The following ZNF438 variants were observed in gnomAD, a reference collection of about 807,000 sequenced individuals.
The protein encoded by ZNF438 is zinc finger protein 438.
In ZNF438, 25 loss-of-function variants were observed where a neutral mutation model predicts 38.0. The observed-to-expected ratio is 0.66, with a 90% CI of 0.48 to 0.92. ZNF438 has a LOEUF of 0.92. Ranked by LOEUF, ZNF438 falls within the 40% of genes least tolerant of loss-of-function variation. ZNF438 has a pLI of 0.00. For synonymous variants in ZNF438, 372 were observed against 364.1 expected (o/e 1.02, Z -0.25); for missense variants, 1,007 against 999.6 (o/e 1.01, Z -0.10).
intron 2 of ZNF438, among the ~76,000 whole-genome samples, chr10:30,918,420 T>C (rs1217912039): frequency 6.6e-6 from 1 of 152,204 alleles, no homozygotes; most frequent in Admixed American, 6.5e-5. Flanking sequence ...TTTATTTCTA[T>C]CTTTAATTTT....
At chr10:30,914,319 A>C (rs374829927) in intron 2 of ZNF438, among the ~76,000 whole-genome samples, 1 of 152,006 alleles carries the variant, frequency 6.6e-6, no homozygotes, top group East Asian at 1.9e-4. Flanking sequence ...CAGGGGTGGG[A>C]AGTGGGAAGG....
chr10:30,881,690 GAAGA>G (rs895527654), intron 3 of ZNF438, among the ~76,000 whole-genome samples: 14 of 151,986 alleles, frequency 9.2e-5, no homozygotes, highest in Admixed American at 2.6e-4. Flanking sequence ...TCTTAAAAAA[GAAGA>G]AAGAAATCAG....
chr10:30,980,254 T>TA (rs368647419), intron 1 of ZNF438, among the ~76,000 whole-genome samples: 85,827 of 136,204 alleles, frequency 0.63, 26,959 homozygotes, highest in African/African-American at 0.73. Flanking sequence ...TGTTTAACAT[T>TA]AAAAAAAAAA....
At chr10:30,930,736 G>A (rs1214357716) in intron 2 of ZNF438, among the ~76,000 whole-genome samples, 1 of 143,168 alleles carries the variant, frequency 7.0e-6, no homozygotes, top group African/African-American at 2.6e-5. Context: ...GAATCCAGGA[G>A]GCAGAGGTCG....
rs553031102 is a variant in ZNF438, at chr10:30,971,925, T to G, written c.-191-30274A>C. Among the ~76,000 whole-genome samples the G allele has an allele frequency of 2.0e-5, 3 of 152,076 alleles. No individual in the cohort carries two copies. In the East Asian group the frequency reaches 5.8e-4, roughly 29 times the overall value. ...TTACCTTTTCCCCTTAAATTTTGTATGTGTTTACATTTAATAAACTACACA... is the reference window on the plus strand; with the variant it reads ...TTACCTTTTCCCCTTAAATTTTGTAGGTGTTTACATTTAATAAACTACACA... On this transcript the variant is annotated intron_variant, in intron 1 of 5. Coordinates refer to ENST00000413025, the Ensembl canonical transcript of ZNF438.
chr10:30,985,897 GC>G (rs886311789), intron 1 of ZNF438, among the ~76,000 whole-genome samples: 5 of 152,168 alleles, frequency 3.3e-5, no homozygotes, highest in Non-Finnish European at 7.3e-5. Context: ...GTCATCCACT[GC>G]ATGATGTGTC....
intron 4 of ZNF438, among the ~76,000 whole-genome samples, chr10:30,870,213 G>A (rs2037168317): frequency 6.6e-6 from 1 of 152,078 alleles, no homozygotes; most frequent in South Asian, 2.1e-4. Context: ...CTGTATTTGT[G>A]AATTTGCCTA....
chr10:30,901,206 C>G (rs575391829), intron 3 of ZNF438, among the ~76,000 whole-genome samples: 1 of 152,310 alleles, frequency 6.6e-6, no homozygotes. Context: ...TCAGTTGGTT[C>G]TGTGTGCTGG....
At position 30,988,833 on chromosome 10, in the gene ZNF438, C is replaced by T. The variant is rs139897565; in HGVS notation, c.-192+43000G>A. On this transcript the variant is annotated intron_variant, in intron 1 of 5. Transcript: ENST00000413025. Reference sequence around the variant, plus strand: ...CAATAAACAGTTAACCTAGATGTGACAGTTAATTTTATGAGTCACTTTGGA... The same window carrying T: ...CAATAAACAGTTAACCTAGATGTGATAGTTAATTTTATGAGTCACTTTGGA... Among the ~76,000 whole-genome samples, 10 of 152,128 alleles carry T rather than the reference C, an allele frequency of 6.6e-5. No homozygotes were observed. In the East Asian group the frequency reaches 1.5e-3, roughly 24 times the overall value.
At chr10:30,924,889 TA>T (rs1026191509) in intron 2 of ZNF438, among the ~76,000 whole-genome samples, 1 of 152,210 alleles carries the variant, frequency 6.6e-6, no homozygotes, top group African/African-American at 2.4e-5. Context: ...TAGTTAATAT[TA>T]GTATATAAAT....
intron 1 of ZNF438, among the ~76,000 whole-genome samples, chr10:30,947,670 C>A (rs916609755): frequency 1.3e-5 from 2 of 152,246 alleles, no homozygotes. Context: ...TGCTAGCAAT[C>A]AGCGAGACTC....
At chr10:30,884,237 T>C (rs1035800844) in intron 3 of ZNF438, among the ~76,000 whole-genome samples, 1 of 152,170 alleles carries the variant, frequency 6.6e-6, no homozygotes, top group Non-Finnish European at 1.5e-5. Context: ...ACACAAAGCA[T>C]TGCTGCATTT....
chr10:30,854,933 G>A (rs546948114), intron 4 of ZNF438, among the ~76,000 whole-genome samples: 6 of 152,330 alleles, frequency 3.9e-5, no homozygotes, highest in African/African-American at 7.2e-5. Flanking sequence ...AGGTCACCTC[G>A]AAGTCTCTAA....
At chr10:31,013,212 G>A (rs750413524) in intron 1 of ZNF438, among the ~76,000 whole-genome samples, 5 of 152,056 alleles carry the variant, frequency 3.3e-5, no homozygotes, top group Non-Finnish European at 7.4e-5. Context: ...CCAGCTACTC[G>A]GGAGGCTGAG....
chr10:30,987,210 T>G (rs1361424469), intron 1 of ZNF438, among the ~76,000 whole-genome samples: 3 of 151,920 alleles, frequency 2.0e-5, no homozygotes, highest in Admixed American at 6.6e-5. Flanking sequence ...ATCCCAACAT[T>G]TTGGGAGGAC....
At chr10:30,891,783 C>T (rs545485394) in intron 3 of ZNF438, among the ~76,000 whole-genome samples, 4 of 152,224 alleles carry the variant, frequency 2.6e-5, no homozygotes, top group East Asian at 1.9e-4. Context: ...GCCTATCCTC[C>T]GTTTTCTTAT....
intron 1 of ZNF438, among the ~76,000 whole-genome samples, chr10:30,945,079 T>C (rs1322642046): frequency 6.6e-6 from 1 of 152,004 alleles, no homozygotes; most frequent in South Asian, 2.1e-4. Flanking sequence ...TCTGCCTACT[T>C]GTTCTAGCAA....
intron 2 of ZNF438, among the ~76,000 whole-genome samples, chr10:30,927,875 C>CAAA (rs10650449): frequency 2.6e-4 from 40 of 151,450 alleles, no homozygotes; most frequent in East Asian, 1.9e-3. Context: ...CTCACTGAGC[C>CAAA]AAAAAAAAGT....
chr10:30,884,300 C>T (rs1188554730), intron 3 of ZNF438, among the ~76,000 whole-genome samples: 1 of 152,032 alleles, frequency 6.6e-6, no homozygotes, highest in Admixed American at 6.5e-5. Flanking sequence ...ATATACCTAA[C>T]ACTTATTAAA....
Sources: gnomAD v4.1 joint callset for allele counts (sites outside exome capture counted in the v4.1 genomes callset) on GRCh38, gnomAD v4.1.1 for gene constraint, MANE v1.5 for transcripts, NCBI Gene and HGNC (gene_info 2026-07-23, HGNC 2026-07-21) for gene names.